The following AFF2 variants were observed in gnomAD, a reference collection of about 807,000 sequenced individuals.
The protein encoded by AFF2 is ALF transcription elongation factor 2.
AFF2 carries 14 observed loss-of-function variants against 76.9 expected under a neutral mutation model. That is an observed-to-expected ratio of 0.18 (90% CI 0.12 to 0.28). The LOEUF (loss-of-function observed/expected upper bound fraction) is 0.28. Ranked by LOEUF, AFF2 falls within the 10% of genes least tolerant of loss-of-function variation. AFF2 has a pLI of 1.00. For synonymous variants in AFF2, 398 were observed against 366.7 expected (o/e 1.09, Z -0.98); for missense variants, 868 against 1,001.1 (o/e 0.87, Z 1.79).
intron 11 of AFF2, among the ~76,000 whole-genome samples, chrX:148,957,823 CT>C: frequency 8.9e-6 from 1 of 112,487 alleles, no homozygotes; most frequent in African/African-American, 3.2e-5. Flanking sequence ...ACAACCACAG[CT>C]GACAGTGTAC....
intron 16 of AFF2, among the ~76,000 whole-genome samples, chrX:148,974,570 C>T (rs1172934885): frequency 1.8e-5 from 2 of 112,133 alleles, no homozygotes; most frequent in Admixed American, 1.9e-4. Context: ...CAGACAAACA[C>T]TGGACAGATT....
chrX:148,937,259 A>T (rs782800496), intron 9 of AFF2, among the ~76,000 whole-genome samples: 1 of 112,324 alleles, frequency 8.9e-6, no homozygotes, highest in East Asian at 2.8e-4. Context: ...TTCTAGCCCT[A>T]AACACAACTA....
intron 3 of AFF2, among the ~76,000 whole-genome samples, chrX:148,721,402 C>T (rs1425288427): frequency 8.9e-6 from 1 of 112,044 alleles, no homozygotes; most frequent in Non-Finnish European, 1.9e-5. Context: ...TAATAATCGT[C>T]TCTACCTCAT....
intron 8 of AFF2, among the ~76,000 whole-genome samples, chrX:148,887,440 A>G (rs2071172602): frequency 8.9e-6 from 1 of 112,803 alleles, no homozygotes; most frequent in Non-Finnish European, 1.9e-5. Context: ...TTGCCTTTTA[A>G]TGGAAATGTT....
At chrX:148,513,093 C>T (rs903588147) in intron 1 of AFF2, among the ~76,000 whole-genome samples, 12 of 112,002 alleles carry the variant, frequency 1.1e-4, no homozygotes, top group Admixed American at 5.7e-4. Flanking sequence ...TATTGCTGAA[C>T]GATTTTATTT....
At chrX:148,716,230 T>C (rs188232206) in intron 3 of AFF2, among the ~76,000 whole-genome samples, 1 of 110,960 alleles carries the variant, frequency 9.0e-6, no homozygotes, top group East Asian at 2.8e-4. Context: ...AATATGATAA[T>C]GCACTGTTTA....
intron 3 of AFF2, among the ~76,000 whole-genome samples, chrX:148,669,456 A>C (rs2054397271): frequency 8.9e-6 from 1 of 112,099 alleles, no homozygotes; most frequent in African/African-American, 3.2e-5. Flanking sequence ...GCAGTTTACA[A>C]AAGAAAGATT....
At chrX:148,833,612 A>G (rs1480780380) in intron 4 of AFF2, among the ~76,000 whole-genome samples, 1 of 110,077 alleles carries the variant, frequency 9.1e-6, no homozygotes, top group Non-Finnish European at 1.9e-5. Flanking sequence ...AAAAAAAAAA[A>G]AAATAAAAAA....
At chrX:148,522,699 G>A (rs2052615099) in intron 1 of AFF2, among the ~76,000 whole-genome samples, 1 of 111,987 alleles carries the variant, frequency 8.9e-6, no homozygotes, top group Non-Finnish European at 1.9e-5. Context: ...TATGATTGAT[G>A]TGTATTTAGA....
At chrX:148,659,695 C>A (rs1195098283) in intron 2 of AFF2, among the ~76,000 whole-genome samples, 1 of 112,131 alleles carries the variant, frequency 8.9e-6, no homozygotes, top group East Asian at 2.8e-4. Flanking sequence ...GGACCCTCAG[C>A]ACAATGAAAT....
chrX:148,624,704 T>C (rs1557251765), intron 1 of AFF2, among the ~76,000 whole-genome samples: 1 of 111,709 alleles, frequency 9.0e-6, no homozygotes, highest in East Asian at 2.8e-4. Context: ...ATAAGAGAAA[T>C]CACTACTGCC....
At chrX:148,704,906 A>G (rs2054864614) in intron 3 of AFF2, among the ~76,000 whole-genome samples, 1 of 110,227 alleles carries the variant, frequency 9.1e-6, no homozygotes, top group Non-Finnish European at 1.9e-5. Flanking sequence ...ACCTCAAGCA[A>G]TCCTCCCACC....
At chrX:148,754,265 A>T (rs2055534971) in intron 3 of AFF2, among the ~76,000 whole-genome samples, 1 of 112,094 alleles carries the variant, frequency 8.9e-6, no homozygotes, top group African/African-American at 3.2e-5. Flanking sequence ...ATCTCTACTA[A>T]TCTAATAAGC....
At chrX:148,515,184 A>G (rs892387278) in intron 1 of AFF2, among the ~76,000 whole-genome samples, 2 of 112,160 alleles carry the variant, frequency 1.8e-5, no homozygotes, top group Non-Finnish European at 1.9e-5. Context: ...GGGAGGAAAT[A>G]ACATATTCGG....
rs1341094168 is a variant in AFF2, at chrX:148,996,389, A to G, written c.*5057A>G. ...TGCCAATTTCCATGGCATAAATACT[A>G]CCACTTTAGATGATTTTAAGCTACC... On this transcript the variant is annotated 3_prime_UTR_variant, in exon 21 of 21. Coordinates refer to ENST00000370460, the MANE Select transcript of AFF2 (RefSeq NM_002025.4). 2 of 112,731 alleles carry G rather than the reference A, an allele frequency of 1.8e-5. No individual in the cohort carries two copies. The highest frequency in any genetic ancestry group is 3.7e-5 in the Non-Finnish European group (2 of 53,339). The allele number at this position is 112,731 out of a possible 1,213,427, so 9.3% of individuals were successfully genotyped here.
chrX:148,578,948 GT>G (rs2053322022), intron 1 of AFF2, among the ~76,000 whole-genome samples: 1 of 111,403 alleles, frequency 9.0e-6, no homozygotes, highest in African/African-American at 3.3e-5. Context: ...AAATAAAAAG[GT>G]CTTACTTTGA....
At chrX:148,707,547 A>T (rs2054902106) in intron 3 of AFF2, among the ~76,000 whole-genome samples, 1 of 108,910 alleles carries the variant, frequency 9.2e-6, no homozygotes, top group African/African-American at 3.3e-5. Context: ...GTTTACATTG[A>T]GTATCTCTTA....
intron 1 of AFF2, among the ~76,000 whole-genome samples, chrX:148,638,529 G>A (rs1557254212): frequency 1.8e-5 from 2 of 111,465 alleles, no homozygotes; most frequent in African/African-American, 6.5e-5. Context: ...GATTTGAGTG[G>A]GGACACAGAG....
intron 3 of AFF2, among the ~76,000 whole-genome samples, chrX:148,679,416 T>C (rs2054523511): frequency 9.1e-6 from 1 of 110,210 alleles, no homozygotes; most frequent in African/African-American, 3.3e-5. Context: ...GCTTCCTGTT[T>C]TGAATAAGCC....
Sources: allele counts gnomAD v4.1 joint callset (sites outside exome capture counted in the v4.1 genomes callset), GRCh38; gene constraint gnomAD v4.1.1; transcripts MANE v1.5; gene names NCBI Gene and HGNC (gene_info 2026-07-23, HGNC 2026-07-21).